Variants in RHOBTB1 observed in about 807,000 individuals in gnomAD.
RHOBTB1 encodes Rho related BTB domain containing 1, also known as rho-related BTB domain-containing protein 1.
A neutral mutation model predicts 71.6 loss-of-function variants in RHOBTB1; 40 were observed. The ratio of observed to expected loss-of-function variants is 0.56; its 90% CI spans 0.43 to 0.73. The LOEUF (loss-of-function observed/expected upper bound fraction) is 0.73. RHOBTB1 is among the 30% of genes least tolerant of loss of function. RHOBTB1 has a pLI of 0.00. For missense variants in RHOBTB1, 797 were observed against 894.0 expected, an observed-to-expected ratio of 0.89 and a Z score of 1.38; for synonymous variants, 319 against 334.9, an observed-to-expected ratio of 0.95 and a Z score of 0.52.
intron 2 of RHOBTB1, among the ~76,000 whole-genome samples, chr10:60,981,280 G>A (rs12780634): frequency 0.54 from 82,256 of 151,776 alleles, 22,566 homozygotes; most frequent in East Asian, 0.77. Context: ...ATTACTTTAG[G>A]GTCAAAATAA....
At chr10:60,885,531 A>T (rs749262131) in intron 7 of RHOBTB1, among the ~76,000 whole-genome samples, 2 of 152,104 alleles carry the variant, frequency 1.3e-5, no homozygotes, top group African/African-American at 4.8e-5. Context: ...TCCCCTCAAC[A>T]CAGGCAGAGT....
chr10:60,999,064 C>T (rs1024993310), intron 1 of RHOBTB1, among the ~76,000 whole-genome samples: 6 of 152,164 alleles, frequency 3.9e-5, no homozygotes, highest in African/African-American at 7.2e-5. Flanking sequence ...ACAGCTGCTC[C>T]GGAAATGCAA....
At chr10:60,864,637 G>C (rs1005802259), downstream of RHOBTB1, among the ~76,000 whole-genome samples, 1 of 151,742 alleles carries the variant, frequency 6.6e-6, no homozygotes, top group Admixed American at 6.6e-5. Flanking sequence ...GGATTGTTAA[G>C]CCCATTTCTC....
At position 60,914,013 on chromosome 10, in the gene RHOBTB1, A is replaced by C. The variant is rs1280284964; in HGVS notation, c.-10-2461T>G. On this transcript the variant is annotated intron_variant, in intron 2 of 10. Transcript: ENST00000337910. ...GACGAATGTCTTCAGATGACAACAA[A>C]ATTGAGTCAGGAGGAAGGCCAGAAT... Among the ~76,000 whole-genome samples, 4 of 152,178 alleles carry C rather than the reference A, an allele frequency of 2.6e-5. No individual in the cohort carries two copies. The East Asian group carries it at 7.7e-4, about 29-fold the overall frequency.
chr10:60,902,625 G>A (rs1038820837), intron 4 of RHOBTB1, among the ~76,000 whole-genome samples: 1 of 152,156 alleles, frequency 6.6e-6, no homozygotes, highest in African/African-American at 2.4e-5. Context: ...TGAGGGTGTG[G>A]CTGAGTGTAA....
At chr10:60,912,249 A>G (rs1377422960) in intron 2 of RHOBTB1, among the ~76,000 whole-genome samples, 1 of 151,902 alleles carries the variant, frequency 6.6e-6, no homozygotes, top group Non-Finnish European at 1.5e-5. Context: ...ATATATGTAT[A>G]TGGAATCTCA....
intron 2 of RHOBTB1, among the ~76,000 whole-genome samples, chr10:60,983,832 GC>G (rs2086579220): frequency 6.6e-6 from 1 of 152,122 alleles, no homozygotes; most frequent in Non-Finnish European, 1.5e-5. Context: ...GAGCTTCCCG[GC>G]CCCGCCCTCC....
intron 2 of RHOBTB1, among the ~76,000 whole-genome samples, chr10:60,941,402 C>G (rs1444780774): frequency 1.3e-5 from 2 of 151,994 alleles, no homozygotes; most frequent in Non-Finnish European, 2.9e-5. Flanking sequence ...CAGCACATTA[C>G]CTGAACCGTG....
upstream of RHOBTB1, among the ~76,000 whole-genome samples, chr10:60,945,863 G>T (rs1006194385): frequency 1.3e-5 from 2 of 152,206 alleles, no homozygotes; most frequent in Non-Finnish European, 2.9e-5. Context: ...TCCAAGAGGT[G>T]GGTGATCATT....
intron 2 of RHOBTB1, among the ~76,000 whole-genome samples, chr10:60,941,513 A>T (rs140507695): frequency 3.3e-5 from 5 of 152,268 alleles, no homozygotes; most frequent in African/African-American, 4.8e-5. Context: ...AAGCATCCAG[A>T]TCCCCAGTAT....
rs72811890 is a variant in RHOBTB1, at chr10:60,876,757, A to G, written c.1726+1151T>C. ...ATTGATGCCTCAACTCGCTCTTTCT[A>G]TCTAACTGGGGAGGAAGTAGGACAA... On this transcript the variant is annotated intron_variant, in intron 8 of 10. Coordinates refer to ENST00000337910, the MANE Select transcript of RHOBTB1 (RefSeq NM_014836.5). 9.8e-3 allele frequency among the ~76,000 whole-genome samples: 1,489 copies of G among 152,288 alleles called. 11 individuals carry two copies. Among genetic ancestry groups the G allele is most frequent in the Middle Eastern group, 0.02 (6 of 294 alleles).
intron 4 of RHOBTB1, among the ~76,000 whole-genome samples, chr10:60,903,399 C>A (rs150843388): frequency 6.6e-6 from 1 of 152,254 alleles, no homozygotes; most frequent in African/African-American, 2.4e-5. Context: ...TGAGAGGACC[C>A]ACTTGATCAC....
At chr10:60,960,844 T>C (rs1057103236) in intron 2 of RHOBTB1, among the ~76,000 whole-genome samples, 1 of 152,210 alleles carries the variant, frequency 6.6e-6, no homozygotes, top group Non-Finnish European at 1.5e-5. Flanking sequence ...GAGCTTGTTA[T>C]TACCACTTCA....
At position 60,911,007 on chromosome 10, in the gene RHOBTB1, G is replaced by C. The variant is rs2082938302; in HGVS notation, c.193-17C>G. The stretch of plus-strand genomic sequence containing the variant: ...CTCCAAGACCTGCAGGAGAGAGAGA[G>C]AGCATCTGTGCTCGGTGTCAGTCAG... On this transcript the variant is annotated splice_polypyrimidine_tract_variant and intron_variant, in intron 3 of 10. Transcript: ENST00000337910. The C allele has an allele frequency of 1.2e-6, 2 of 1,603,202 alleles. No homozygotes were observed. The highest frequency in any genetic ancestry group is 1.1e-5 in the South Asian group (1 of 90,862).
At chr10:60,970,013 T>C (rs1037743065) in intron 2 of RHOBTB1, among the ~76,000 whole-genome samples, 2 of 151,964 alleles carry the variant, frequency 1.3e-5, no homozygotes, top group Non-Finnish European at 1.5e-5. Context: ...GATTGACACA[T>C]AGAAGGCCAA....
chr10:60,914,238 T>C (rs1194093517), intron 2 of RHOBTB1, among the ~76,000 whole-genome samples: 1 of 152,020 alleles, frequency 6.6e-6, no homozygotes, highest in Non-Finnish European at 1.5e-5. Flanking sequence ...GAGAAGATAA[T>C]AGAGTTGGAA....
chr10:60,871,546 G>T lies in RHOBTB1; in HGVS notation c.2027C>A (p.Ala676Glu), dbSNP rs769684346. The change falls in exon 11 of 11, where the codon GCA becomes GAA. Residue 676 changes from alanine to glutamate, a missense_variant. Transcript: ENST00000337910. ...TCGTCTTGAGCGATGCTTATTTAGT[G>T]CAATATCTTCCTTCTCTCGTTCCCT... is the stretch of plus-strand genomic sequence containing the variant. The part of the protein sequence containing the change: ...VKREREKEDI[A>E]LNKHRSRRKW... The T allele has an allele frequency of 1.2e-6, 2 of 1,613,914 alleles. No individual in the cohort carries two copies. Among genetic ancestry groups the T allele is most frequent in the East Asian group, 2.2e-5 (1 of 44,894 alleles).
chr10:60,875,542 G>T (rs111403654), intron 8 of RHOBTB1, among the ~76,000 whole-genome samples: 1 of 152,114 alleles, frequency 6.6e-6, no homozygotes. Flanking sequence ...CTAGACTTTA[G>T]ACACGTTCCT....
chr10:60,952,943 A>G (rs982653730), intron 2 of RHOBTB1, among the ~76,000 whole-genome samples: 2 of 152,130 alleles, frequency 1.3e-5, no homozygotes, highest in African/African-American at 4.8e-5. Context: ...AGAAAACACA[A>G]TTTGTGGGAA....
Sources: allele counts gnomAD v4.1 joint callset (sites outside exome capture counted in the v4.1 genomes callset), GRCh38; gene constraint gnomAD v4.1.1; transcripts MANE v1.5; gene names NCBI Gene and HGNC (gene_info 2026-07-23, HGNC 2026-07-21).